CDH10: variants seen among roughly 807,000 people sequenced by gnomAD.
The protein encoded by CDH10 is cadherin-10.
Under a neutral mutation model 73.1 loss-of-function variants are expected in CDH10, and 30 were observed. The observed-to-expected ratio is 0.41, with a 90% CI of 0.31 to 0.56. The LOEUF (loss-of-function observed/expected upper bound fraction) is 0.56. Among genes scored for constraint, CDH10 ranks in the 20% least tolerant of loss-of-function variants. The pLI is 0.27. For missense variants in CDH10, 815 were observed against 973.7 expected, an observed-to-expected ratio of 0.84 and a Z score of 2.17; for synonymous variants, 345 against 348.2, an observed-to-expected ratio of 0.99 and a Z score of 0.10.
chr5:24,546,794 A>G (rs28607227), intron 2 of CDH10, among the ~76,000 whole-genome samples: 1,564 of 152,240 alleles, frequency 0.01, 34 homozygotes, highest in African/African-American at 0.035. Context: ...TGTGGACTCC[A>G]AACTTCTCAC....
chr5:24,640,615 A>T (rs2112219829), intron 1 of CDH10, among the ~76,000 whole-genome samples: 1 of 151,904 alleles, frequency 6.6e-6, no homozygotes, highest in East Asian at 1.9e-4. Flanking sequence ...CTCTCTAAGG[A>T]TACGAAACCC....
At chr5:24,590,911 A>G (rs959507850) in intron 2 of CDH10, among the ~76,000 whole-genome samples, 3 of 152,050 alleles carry the variant, frequency 2.0e-5, no homozygotes, top group Non-Finnish European at 2.9e-5. Flanking sequence ...AGGCATTGAA[A>G]CACTTATCAC....
intron 2 of CDH10, 91 bp from the exon 3 acceptor site, chr5:24,537,765 C>T (rs1168978270): frequency 2.7e-6 from 2 of 752,514 alleles, no homozygotes; most frequent in Non-Finnish European, 4.3e-6. Flanking sequence ...TGTCTCATCA[C>T]TGAGCAACGG....
intron 1 of CDH10, among the ~76,000 whole-genome samples, chr5:24,625,637 G>GTA (rs1302573897): frequency 2.7e-5 from 4 of 148,492 alleles, no homozygotes; most frequent in African/African-American, 4.9e-5. Flanking sequence ...ATATATATGT[G>GTA]TATATATATA....
At chr5:24,540,011 C>T (rs1044917934) in intron 2 of CDH10, among the ~76,000 whole-genome samples, 5 of 151,970 alleles carry the variant, frequency 3.3e-5, no homozygotes, top group Non-Finnish European at 7.4e-5. Flanking sequence ...ATTCTCTATG[C>T]ATTCAATAAT....
intron 5 of CDH10, among the ~76,000 whole-genome samples, chr5:24,511,786 T>G (rs961238190): frequency 2.0e-5 from 3 of 152,132 alleles, no homozygotes; most frequent in Non-Finnish European, 4.4e-5. Context: ...AATTCTGGTT[T>G]AAAAATGAGT....
chr5:24,609,647 G>A (rs538457852), intron 1 of CDH10: 2 of 152,200 alleles, frequency 1.3e-5, no homozygotes, highest in Non-Finnish European at 2.9e-5. Context: ...GTGTATTGAA[G>A]GACTAGCTAC....
At chr5:24,579,804 C>T (rs10079036) in intron 2 of CDH10, among the ~76,000 whole-genome samples, 43,922 of 151,696 alleles carry the variant, frequency 0.29, 6,695 homozygotes, top group African/African-American at 0.37. Context: ...GGGTTTGCCC[C>T]TGAAAATGGA....
chr5:24,502,952 A>T (rs1561126793), intron 8 of CDH10, among the ~76,000 whole-genome samples: 1 of 152,206 alleles, frequency 6.6e-6, no homozygotes, highest in Non-Finnish European at 1.5e-5. Context: ...TTTATATGCC[A>T]TATATAGCAA....
At position 24,509,240 on chromosome 5, in the gene CDH10, C is replaced by CTTTTTTT. The variant is rs35903930; in HGVS notation, c.1256+319_1256+325dup. On this transcript the variant is annotated intron_variant, in intron 7 of 11. Coordinates refer to ENST00000264463, the MANE Select transcript of CDH10 (RefSeq NM_006727.5). ...AAACAACATTTTGTTCTCCTTTTTC[C>CTTTTTTT]TTTTTTTTTTTTTTTTTTGAGACAG... Among the ~76,000 whole-genome samples the CTTTTTTT allele has an allele frequency of 5.4e-3, 464 of 85,322 alleles. 31 individuals carry two copies. Among genetic ancestry groups the CTTTTTTT allele is most frequent in the African/African-American group, 0.019 (387 of 20,480 alleles). The allele number at this position is 85,322 out of a possible 152,430, so 56.0% of individuals were successfully genotyped here. A position where few individuals can be genotyped will look rare whatever the true frequency, so the allele number is the denominator to read the frequency against.
chr5:24,601,664 A>G (rs1746568867), intron 1 of CDH10, among the ~76,000 whole-genome samples: 1 of 152,182 alleles, frequency 6.6e-6, no homozygotes, highest in Admixed American at 6.5e-5. Context: ...CATATCATTG[A>G]TATGTTGAAT....
chr5:24,582,688 A>G (rs189759883), intron 2 of CDH10, among the ~76,000 whole-genome samples: 1 of 152,220 alleles, frequency 6.6e-6, no homozygotes, highest in Non-Finnish European at 1.5e-5. Flanking sequence ...ATCAAAAAAA[A>G]CACTACCATG....
At position 24,504,405 on chromosome 5, in the gene CDH10, C is replaced by T. The variant is rs957301664; in HGVS notation, c.1393+707G>A. On this transcript the variant is annotated intron_variant, in intron 8 of 11. Coordinates refer to ENST00000264463, the MANE Select transcript of CDH10 (RefSeq NM_006727.5). Reference sequence around the variant, plus strand: ...TTCACTATTGCCTTTCTTTGTCATCCTAGTATAAAAACATTTCAGTTTTGC... The same window carrying T: ...TTCACTATTGCCTTTCTTTGTCATCTTAGTATAAAAACATTTCAGTTTTGC... 3.3e-5 allele frequency among the ~76,000 whole-genome samples: 5 copies of T among 149,832 alleles called. No homozygotes were observed. In the East Asian group the frequency reaches 9.9e-4, roughly 30 times the overall value.
intron 1 of CDH10, chr5:24,612,666 T>A (rs1386697455): frequency 6.6e-6 from 1 of 152,126 alleles, no homozygotes; most frequent in Non-Finnish European, 1.5e-5. Context: ...AAGTCAGAAG[T>A]CAACTGAGAA....
chr5:24,597,977 C>T (rs1009203172), intron 1 of CDH10, among the ~76,000 whole-genome samples: 49 of 151,630 alleles, frequency 3.2e-4, no homozygotes, highest in African/African-American at 1.1e-3. Flanking sequence ...ATCGAAAATG[C>T]TAAAGATTAT....
intron 5 of CDH10, among the ~76,000 whole-genome samples, chr5:24,518,884 C>CTTTTTTTTTT (rs36019861): frequency 1.3e-5 from 1 of 77,430 alleles, no homozygotes; most frequent in African/African-American, 5.1e-5. Flanking sequence ...GACATGTGCA[C>CTTTTTTTTTT]TTTTTTTTTT....
intron 1 of CDH10, among the ~76,000 whole-genome samples, chr5:24,601,300 A>C (rs752111339): frequency 3.9e-5 from 6 of 152,194 alleles, no homozygotes; most frequent in Non-Finnish European, 7.3e-5. Flanking sequence ...ACAGTTTAAG[A>C]GTAATGTTAT....
At chr5:24,521,960 C>T (rs938673032) in intron 5 of CDH10, among the ~76,000 whole-genome samples, 3 of 151,922 alleles carry the variant, frequency 2.0e-5, no homozygotes, top group African/African-American at 7.3e-5. Flanking sequence ...ATGGTGAAAC[C>T]CTGTCTCTAC....
intron 1 of CDH10, among the ~76,000 whole-genome samples, chr5:24,629,889 A>G (rs1191613704): frequency 6.6e-6 from 1 of 152,190 alleles, no homozygotes; most frequent in Non-Finnish European, 1.5e-5. Flanking sequence ...ATGGACTAAT[A>G]TAGAATATTT....
Sources: allele counts gnomAD v4.1 joint callset (sites outside exome capture counted in the v4.1 genomes callset), GRCh38; gene constraint gnomAD v4.1.1; transcripts MANE v1.5; gene names NCBI Gene and HGNC (gene_info 2026-07-23, HGNC 2026-07-21).